The following STX18 variants were observed in gnomAD, a reference collection of about 807,000 sequenced individuals.
STX18 encodes the protein syntaxin-18.
In STX18, 40 loss-of-function variants were observed where a neutral mutation model predicts 50.1. That is an observed-to-expected ratio of 0.80 (90% CI 0.62 to 1.04). The LOEUF is 1.04. STX18 is among the 50% of genes least tolerant of loss of function. STX18 has a pLI of 0.00. For synonymous variants in STX18, 158 were observed against 151.8 expected (o/e 1.04, Z -0.30); for missense variants, 410 against 415.8 (o/e 0.99, Z 0.12).
chr4:4,492,697 A>C (rs1213187918), intron 1 of STX18, among the ~76,000 whole-genome samples: 2 of 152,148 alleles, frequency 1.3e-5, no homozygotes, highest in Non-Finnish European at 2.9e-5. Flanking sequence ...ACATGTTCTG[A>C]ATTCTGCTTA....
rs1461670065 is a variant in STX18, at chr4:4,419,698, C to T, written c.*336G>A. On this transcript the variant is annotated 3_prime_UTR_variant, in exon 11 of 11. Coordinates refer to ENST00000306200, the MANE Select transcript of STX18 (RefSeq NM_016930.4). ...TTGAACCCTGAGACAATTAGGGGCT[C>T]TTGAGGCCTGCTGTGCCCCTGCTGC... The T allele has an allele frequency of 1.4e-5, 3 of 219,142 alleles. No homozygotes were observed. The highest frequency in any genetic ancestry group is 2.2e-4 in the East Asian group (2 of 9,256). The allele number at this position is 219,142 out of a possible 1,614,324, so 13.6% of individuals were successfully genotyped here. A position where few individuals can be genotyped will look rare whatever the true frequency, so the allele number is the denominator to read the frequency against.
chr4:4,521,650 C>G (rs980076368), intron 1 of STX18, among the ~76,000 whole-genome samples: 1 of 151,708 alleles, frequency 6.6e-6, no homozygotes, highest in Non-Finnish European at 1.5e-5. Context: ...ATTAACTGAT[C>G]AAATATTTGT....
At chr4:4,454,657 T>G (rs1479279425) in intron 5 of STX18, among the ~76,000 whole-genome samples, 1 of 152,208 alleles carries the variant, frequency 6.6e-6, no homozygotes, top group Non-Finnish European at 1.5e-5. Context: ...GACTGCTTTC[T>G]ATCTCTCTAA....
rs535566353 is a variant in STX18 at position 4,500,468 on chromosome 4, A to G, written c.169-28762T>C. 5.3e-5 allele frequency among the ~76,000 whole-genome samples: 8 copies of G among 152,322 alleles called. No individual in the cohort carries two copies. In the East Asian group the frequency reaches 1.5e-3, roughly 29 times the overall value. On this transcript the variant is annotated intron_variant, in intron 1 of 10. Coordinates refer to ENST00000306200, the MANE Select transcript of STX18 (RefSeq NM_016930.4). ...GTATTGGGTTTTATAAGTAATCCAG[A>G]GAAATAAACAGGAGGATGTCTGTAG...
intron 1 of STX18, among the ~76,000 whole-genome samples, chr4:4,519,318 T>A (rs953426013): frequency 6.6e-6 from 1 of 152,142 alleles, no homozygotes; most frequent in African/African-American, 2.4e-5. Flanking sequence ...CTATTTTTAA[T>A]AAGAGATTAA....
chr4:4,514,966 G>A (rs1396101720), intron 1 of STX18, among the ~76,000 whole-genome samples: 2 of 152,100 alleles, frequency 1.3e-5, no homozygotes, highest in African/African-American at 4.8e-5. Context: ...ACAGGAAGGA[G>A]GGAAGGAAAT....
intron 1 of STX18, among the ~76,000 whole-genome samples, chr4:4,489,545 C>T (rs574157752): frequency 5.3e-5 from 8 of 151,150 alleles, no homozygotes; most frequent in South Asian, 4.2e-4. Flanking sequence ...CCACCACACC[C>T]GGCCAGAAAA....
intron 6 of STX18, among the ~76,000 whole-genome samples, chr4:4,437,952 G>A (rs1725877181): frequency 1.3e-5 from 2 of 152,210 alleles, no homozygotes; most frequent in Admixed American, 6.5e-5. Context: ...TAGGCAGCAC[G>A]TCAATTCAGA....
intron 1 of STX18, chr4:4,507,593 G>A (rs1313242277): frequency 2.6e-6 from 2 of 763,586 alleles, no homozygotes; most frequent in Non-Finnish European, 4.9e-6. Context: ...CAAGCCTTGA[G>A]GACTTGATCT....
chr4:4,500,804 G>A (rs1311901109), intron 1 of STX18, among the ~76,000 whole-genome samples: 1 of 152,196 alleles, frequency 6.6e-6, no homozygotes, highest in African/African-American at 2.4e-5. Context: ...GGGAGGCCAA[G>A]GTGGGTGGAT....
At chr4:4,424,225 C>T (rs1725123571) in intron 8 of STX18, among the ~76,000 whole-genome samples, 3 of 152,084 alleles carry the variant, frequency 2.0e-5, no homozygotes, top group Admixed American at 6.6e-5. Flanking sequence ...CGGGTGGGGG[C>T]ACATCTATTT....
intron 5 of STX18, among the ~76,000 whole-genome samples, chr4:4,440,171 G>T (rs922962769): frequency 1.3e-5 from 2 of 152,162 alleles, no homozygotes; most frequent in Non-Finnish European, 2.9e-5. Context: ...TGCTATCTAG[G>T]ATAAATTCCA....
intron 6 of STX18, among the ~76,000 whole-genome samples, chr4:4,435,680 C>T (rs754961948): frequency 2.0e-5 from 3 of 152,186 alleles, no homozygotes; most frequent in Admixed American, 2.0e-4. Context: ...TACTGTGTCC[C>T]GGTCTGTGCT....
intron 1 of STX18, among the ~76,000 whole-genome samples, chr4:4,539,407 C>T (rs1037050268): frequency 2.0e-5 from 3 of 152,210 alleles, no homozygotes; most frequent in Non-Finnish European, 2.9e-5. Flanking sequence ...AGTAAAAGCA[C>T]AGGACATCCA....
rs1724869525 is a variant in STX18, at chr4:4,420,363, C to T, written c.913-234G>A. 6 of 516,590 alleles carry T rather than the reference C, an allele frequency of 1.2e-5. No individual in the cohort carries two copies. The highest frequency in any genetic ancestry group is 1.8e-5 in the Non-Finnish European group (5 of 285,582). The allele number at this position is 516,590 out of a possible 1,614,324, so 32.0% of individuals were successfully genotyped here. A position where few individuals can be genotyped will look rare whatever the true frequency, so the allele number is the denominator to read the frequency against. On this transcript the variant is annotated intron_variant, in intron 10 of 10. Coordinates refer to ENST00000306200, the MANE Select transcript of STX18 (RefSeq NM_016930.4). This position sits in a 1 kb window ranked among gnomAD's most constrained non-coding sequence, Gnocchi z 4.3. ...CCTGCACAATTCTCCCTCAACACAA[C>T]TCTCGGAATCACTCCCTTCTGTCCC...
At chr4:4,502,791 G>C (rs958487046) in intron 1 of STX18, among the ~76,000 whole-genome samples, 4 of 152,148 alleles carry the variant, frequency 2.6e-5, no homozygotes, top group Non-Finnish European at 5.9e-5. Context: ...ACCTTCATCT[G>C]TCTTCCTATG....
Position 4,420,490 on chromosome 4 carries a change from T to TC in STX18, c.913-362dup, listed in dbSNP as rs1029142490. ...CCTGAGGACTGAGCTTGGGAAACAG[T>TC]CCCCTCAACAGGATGGCTGTAGTGT... On this transcript the variant is annotated intron_variant, in intron 10 of 10. Coordinates refer to ENST00000306200, the MANE Select transcript of STX18 (RefSeq NM_016930.4). The surrounding 1 kb of genome is among the most constrained non-coding windows in gnomAD (Gnocchi z 4.3). 5.2e-6 allele frequency: 2 copies of TC among 387,094 alleles called. No homozygotes were observed. The highest frequency in any genetic ancestry group is 9.5e-6 in the Non-Finnish European group (2 of 211,526). The allele number at this position is 387,094 out of a possible 1,614,324, so 24.0% of individuals were successfully genotyped here.
At chr4:4,505,322 C>T (rs1035420130) in intron 1 of STX18, among the ~76,000 whole-genome samples, 5 of 152,296 alleles carry the variant, frequency 3.3e-5, no homozygotes, top group Middle Eastern at 3.4e-3. Flanking sequence ...TATTTACCTA[C>T]AGTTGAACAA....
chr4:4,464,598 C>T lies in STX18; in HGVS notation c.237-5111G>A, dbSNP rs569033715. 5.3e-4 allele frequency among the ~76,000 whole-genome samples: 80 copies of T among 152,264 alleles called. No homozygotes were observed. The South Asian group carries it at 0.017, about 32-fold the overall frequency. ...AATGTCACTTCTTTAAGGACACTTT[C>T]TCTGACAAGGCTAAATTCCTCAAAA... On this transcript the variant is annotated intron_variant, in intron 2 of 10. Transcript: ENST00000306200.
Sources: allele counts gnomAD v4.1 joint callset (sites outside exome capture counted in the v4.1 genomes callset), GRCh38; gene constraint gnomAD v4.1.1; non-coding constraint Gnocchi (gnomAD v3.1); transcripts MANE v1.5; gene names NCBI Gene and HGNC (gene_info 2026-07-23, HGNC 2026-07-21).